The following RPS23 variants were observed in gnomAD, a reference collection of about 807,000 sequenced individuals.
RPS23 encodes the protein ribosomal protein S23.
For missense variants in RPS23, 73 were observed against 174.5 expected (o/e 0.42, Z 3.28); for synonymous variants, 66 against 60.4 (o/e 1.09, Z -0.43).
intron 1 of RPS23, 182 bp from the exon 2 acceptor site, chr5:82,278,034 G>C (rs932072694): frequency 1.5e-6 from 1 of 658,030 alleles, no homozygotes; most frequent in Non-Finnish European, 2.6e-6. Flanking sequence ...AACGTTCGAA[G>C]AGGGCTCCGG....
intron 2 of RPS23, chr5:82,276,990 G>A (rs1404901960): frequency 6.1e-6 from 1 of 163,502 alleles, no homozygotes. Context: ...TTTGAGACTA[G>A]CCTGGTCAAC....
At chr5:82,278,000 C>A in intron 1 of RPS23, 148 bp from the exon 2 acceptor site, 1 of 763,560 alleles carries the variant, frequency 1.3e-6, no homozygotes, top group Non-Finnish European at 2.1e-6. Flanking sequence ...ATTTGGCCTT[C>A]AAGTTGCCCT....
chr5:82,278,097 G>C, intron 1 of RPS23: 5 of 670,612 alleles, frequency 7.5e-6, no homozygotes, highest in South Asian at 5.9e-5. Flanking sequence ...GGGAGGAAGC[G>C]CTGGCCTCCC....
intron 1 of RPS23, 109 bp downstream of exon 1, chr5:82,278,211 T>G: frequency 3.4e-5 from 20 of 596,998 alleles, no homozygotes; most frequent in Non-Finnish European, 4.4e-5. Flanking sequence ...CCCTCCCCCA[T>G]GGAGCCTCTC....
chr5:82,278,160 C>T (rs1299870536), intron 1 of RPS23, 160 bp downstream of exon 1: 2 of 968,148 alleles, frequency 2.1e-6, no homozygotes, highest in Non-Finnish European at 3.1e-6. Context: ...TGGGCCCCTT[C>T]CGCGCCGGAC....
At position 82,275,357 on chromosome 5, in the gene RPS23, A is replaced by C. The variant is rs1747750393; in HGVS notation, c.*752T>G. 4.3e-6 allele frequency: 3 copies of C among 701,956 alleles called. No homozygotes were observed. Among genetic ancestry groups the C allele is most frequent in the East Asian group, 5.4e-5 (2 of 37,266 alleles). 43.5% of individuals were successfully genotyped at this position (701,956 alleles called of 1,614,324 possible). A position where few individuals can be genotyped will look rare whatever the true frequency, so the allele number is the denominator to read the frequency against. ...TACTCAATACCTAGCTTAAATTATC[A>C]AAACACAACCAATCTTGTCTCTACA... On this transcript the variant is annotated 3_prime_UTR_variant, in exon 4 of 4. Transcript: ENST00000296674.
rs1474100256 is a variant in RPS23, at chr5:82,275,697, C to A, written c.*412G>T. The A allele has an allele frequency of 1.2e-5, 3 of 250,360 alleles. No individual in the cohort carries two copies. The highest frequency in any genetic ancestry group is 2.3e-5 in the Non-Finnish European group (3 of 132,320). 15.5% of individuals were successfully genotyped at this position (250,360 alleles called of 1,614,324 possible). ...AAGGGTACCTAAGATAATCTATGTGCAATGAAATTTGGTAACTGAAGTGTT... is the reference window on the plus strand; with the variant it reads ...AAGGGTACCTAAGATAATCTATGTGAAATGAAATTTGGTAACTGAAGTGTT... On this transcript the variant is annotated 3_prime_UTR_variant, in exon 4 of 4. Coordinates refer to ENST00000296674, the MANE Select transcript of RPS23 (RefSeq NM_001025.5).
intron 1 of RPS23, 194 bp downstream of exon 1, chr5:82,278,126 G>A: frequency 1.4e-6 from 1 of 740,348 alleles, no homozygotes; most frequent in Non-Finnish European, 2.2e-6. Context: ...TCGGTACCCC[G>A]ACCTCGGCGG....
At position 82,276,557 on chromosome 5, in the gene RPS23, T is replaced by C. The variant is rs112666960; in HGVS notation, c.165-39A>G. The C allele has an allele frequency of 2.1e-4, 344 of 1,609,360 alleles. No homozygotes were observed. The African/African-American group carries it at 3.6e-3, about 17-fold the overall frequency. ...GGCACAGCACTGTGAGCTGGCTTTCTGAAAAAGATTATCTTTTCATATTAA... is the reference window on the plus strand; with the variant it reads ...GGCACAGCACTGTGAGCTGGCTTTCCGAAAAAGATTATCTTTTCATATTAA... On this transcript the variant is annotated intron_variant, in intron 2 of 3. Coordinates refer to ENST00000296674, the MANE Select transcript of RPS23 (RefSeq NM_001025.5).
In RPS23 at chr5:82,273,867, A is replaced by G. The variant is rs1386995784; in HGVS notation, c.*2242T>C. On this transcript the variant is annotated 3_prime_UTR_variant, in exon 4 of 4. Coordinates refer to ENST00000296674, the MANE Select transcript of RPS23 (RefSeq NM_001025.5). ...CATGAACCACAGCGCCCAGCTTAAC[A>G]GGATTTTTCAGAGAGAAAAAGTTTT... The G allele has an allele frequency of 6.6e-6, 1 of 152,214 alleles. No individual in the cohort carries two copies. Among genetic ancestry groups the G allele is most frequent in the Non-Finnish European group, 1.5e-5 (1 of 68,026 alleles). The allele number at this position is 152,214 out of a possible 1,614,324, so 9.4% of individuals were successfully genotyped here.
rs1747748809 is a variant in RPS23, at chr5:82,275,288, T to C, written c.*821A>G. On this transcript the variant is annotated 3_prime_UTR_variant, in exon 4 of 4. Transcript: ENST00000296674. ...CATTTCAACCATGCCACTGTATCCA[T>C]GAAAACTCTGAAACAAGTATTTGTG... is the stretch of plus-strand genomic sequence containing the variant. 1.4e-6 allele frequency: 1 copy of C among 702,538 alleles called. No individual in the cohort carries two copies. Among genetic ancestry groups the C allele is most frequent in the Non-Finnish European group, 2.6e-6 (1 of 385,016 alleles). The allele number at this position is 702,538 out of a possible 1,614,324, so 43.5% of individuals were successfully genotyped here.
chr5:82,278,215 G>T, intron 1 of RPS23, 105 bp downstream of exon 1: 1 of 1,069,068 alleles, frequency 9.4e-7, no homozygotes, highest in Non-Finnish European at 1.4e-6. Context: ...CCCCCATGGA[G>T]CCTCTCCATG....
intron 2 of RPS23, 178 bp from the exon 3 acceptor site, chr5:82,276,696 T>G: frequency 1.4e-6 from 1 of 718,948 alleles, no homozygotes; most frequent in South Asian, 1.9e-5. Context: ...ATTAGCACAA[T>G]GGGGGAAATT....
rs774317071 is a variant in RPS23 at position 82,277,728 on chromosome 5, A to G, written c.129T>C (p.Gly43=). 1.9e-6 allele frequency: 3 copies of G among 1,613,956 alleles called. No individual in the cohort carries two copies. Among genetic ancestry groups the G allele is most frequent in the Non-Finnish European group, 2.5e-6 (3 of 1,179,874 alleles). ...GTALKANPFG[G]ASHAKGIVLE... is the part of the protein sequence containing the mutation. ...GCACGATTCCTTTTGCATGAGAAGCACCTCCAAAAGGGTTGGCCTTTAGGG... is the reference window on the plus strand; with the variant it reads ...GCACGATTCCTTTTGCATGAGAAGCGCCTCCAAAAGGGTTGGCCTTTAGGG... The change falls in exon 2 of 4, where the codon GGT becomes GGC. Residue 43 remains glycine (G), a synonymous_variant. Coordinates refer to ENST00000296674, the MANE Select transcript of RPS23 (RefSeq NM_001025.5).
At position 82,278,307 on chromosome 5, in the gene RPS23, C is replaced by T; in HGVS notation, c.4+13G>A. 2.5e-6 allele frequency: 4 copies of T among 1,610,214 alleles called. No individual in the cohort carries two copies. Among genetic ancestry groups the T allele is most frequent in the Non-Finnish European group, 3.4e-6 (4 of 1,178,552 alleles). On this transcript the variant is annotated intron_variant, in intron 1 of 3. Coordinates refer to ENST00000296674, the MANE Select transcript of RPS23 (RefSeq NM_001025.5). Reference sequence around the variant, plus strand: ...CCGCTTGCAGCGCCCTTAAACCGGCCACAACAGCTCACCCATCCTGTCGGC... The same window carrying T: ...CCGCTTGCAGCGCCCTTAAACCGGCTACAACAGCTCACCCATCCTGTCGGC...
In RPS23 at chr5:82,275,336, C is replaced by A. The variant is rs1327798419; in HGVS notation, c.*773G>T. On this transcript the variant is annotated 3_prime_UTR_variant, in exon 4 of 4. Transcript: ENST00000296674. Reference sequence around the variant, plus strand: ...GTGGACAGCAAAATCCACATGTACTCAATACCTAGCTTAAATTATCAAAAC... The same window carrying A: ...GTGGACAGCAAAATCCACATGTACTAAATACCTAGCTTAAATTATCAAAAC... The A allele has an allele frequency of 1.4e-6, 1 of 702,478 alleles. No individual in the cohort carries two copies. Among genetic ancestry groups the A allele is most frequent in the Non-Finnish European group, 2.6e-6 (1 of 384,956 alleles). The allele number at this position is 702,478 out of a possible 1,614,324, so 43.5% of individuals were successfully genotyped here. A position where few individuals can be genotyped will look rare whatever the true frequency, so the allele number is the denominator to read the frequency against.
chr5:82,276,424 T>C lies in RPS23; in HGVS notation c.259A>G (p.Asn87Asp), dbSNP rs1219511644. The C allele has an allele frequency of 3.1e-6, 5 of 1,613,804 alleles. No homozygotes were observed. Among genetic ancestry groups the C allele is most frequent in the Non-Finnish European group, 3.4e-6 (4 of 1,179,886 alleles). Residue 87 changes from asparagine (N) to aspartate (D), a missense_variant, in exon 3 of 4, where the codon AAT becomes GAT. Transcript: ENST00000296674. Reference protein sequence around the residue: ...NGKKITAFVPNDGCLNFIEEN... With the variant: ...NGKKITAFVPDDGCLNFIEEN... Reference sequence around the variant, plus strand: ...TCAATAAAGTTCAAGCAACCGTCATTGGGTACAAAGGCTGTGATTTTCTTG... The same window carrying C: ...TCAATAAAGTTCAAGCAACCGTCATCGGGTACAAAGGCTGTGATTTTCTTG...
At position 82,276,365 on chromosome 5, in the gene RPS23, G is replaced by C. The variant is rs226200; in HGVS notation, c.285+33C>G. On this transcript the variant is annotated intron_variant, in intron 3 of 3. Coordinates refer to ENST00000296674, the MANE Select transcript of RPS23 (RefSeq NM_001025.5). Reference sequence around the variant, plus strand: ...AAAAATGTGAGGGAGGCCACCCCAAGAACAGAAGGTACGATAGAGTTGAAA... The same window carrying C: ...AAAAATGTGAGGGAGGCCACCCCAACAACAGAAGGTACGATAGAGTTGAAA... 0.57 allele frequency: 922,877 copies of C among 1,612,502 alleles called. 275,407 individuals carry two copies. Among genetic ancestry groups the C allele is most frequent in the East Asian group, 0.93 (41,793 of 44,864 alleles).
chr5:82,275,346 C>T lies in RPS23; in HGVS notation c.*763G>A. ...AAATCCACATGTACTCAATACCTAG[C>T]TTAAATTATCAAAACACAACCAATC... On this transcript the variant is annotated 3_prime_UTR_variant, in exon 4 of 4. Coordinates refer to ENST00000296674, the MANE Select transcript of RPS23 (RefSeq NM_001025.5). 1.4e-6 allele frequency: 1 copy of T among 702,276 alleles called. No individual in the cohort carries two copies. Among genetic ancestry groups the T allele is most frequent in the South Asian group, 1.5e-5 (1 of 67,530 alleles). 43.5% of individuals were successfully genotyped at this position (702,276 alleles called of 1,614,324 possible).
Sources: allele counts gnomAD v4.1 joint callset, GRCh38; gene constraint gnomAD v4.1.1; transcripts MANE v1.5; gene names NCBI Gene and HGNC (gene_info 2026-07-23, HGNC 2026-07-21).